The following CCSER1 variants were observed in gnomAD, a reference collection of about 807,000 sequenced individuals.
The protein encoded by CCSER1 is serine-rich coiled-coil domain-containing protein 1.
In CCSER1, 41 loss-of-function variants were observed where a neutral mutation model predicts 82.0. That is an observed-to-expected ratio of 0.50 (90% CI 0.39 to 0.65). The LOEUF (loss-of-function observed/expected upper bound fraction) is 0.65, where lower values mean the gene tolerates loss of function less well. CCSER1 is among the 30% of genes least tolerant of loss of function. The pLI is 0.00. For missense variants in CCSER1, 1,119 were observed against 1,064.2 expected (o/e 1.05, Z -0.72); for synonymous variants, 414 against 383.9 (o/e 1.08, Z -0.92).
intron 9 of CCSER1, among the ~76,000 whole-genome samples, chr4:90,957,759 A>G (rs1581202620): frequency 1.3e-5 from 2 of 148,730 alleles, no homozygotes; most frequent in East Asian, 3.9e-4. Flanking sequence ...TAAGATTTGG[A>G]TTTTTAAACT....
At chr4:91,099,945 A>G (rs2148847647) in intron 10 of CCSER1, among the ~76,000 whole-genome samples, 1 of 152,310 alleles carries the variant, frequency 6.6e-6, no homozygotes, top group Admixed American at 6.5e-5. Context: ...ATGTTAGTAG[A>G]GATTCTTTAC....
intron 1 of CCSER1, among the ~76,000 whole-genome samples, chr4:90,219,293 G>A (rs1481088714): frequency 6.6e-6 from 1 of 152,110 alleles, no homozygotes; most frequent in African/African-American, 2.4e-5. Context: ...TATGTTTTGG[G>A]ACTTCATTGT....
intron 9 of CCSER1, among the ~76,000 whole-genome samples, chr4:90,994,535 C>A (rs1561454380): frequency 6.6e-6 from 1 of 151,800 alleles, no homozygotes; most frequent in Admixed American, 6.6e-5. Context: ...AAATTGGAGA[C>A]CATCTGTATA....
At chr4:91,353,265 A>G (rs893368781) in intron 10 of CCSER1, among the ~76,000 whole-genome samples, 1 of 151,704 alleles carries the variant, frequency 6.6e-6, no homozygotes, top group Non-Finnish European at 1.5e-5. Flanking sequence ...GGCTCACAAC[A>G]CTAAAGATTT....
intron 10 of CCSER1, among the ~76,000 whole-genome samples, chr4:91,246,500 G>C (rs1739787600): frequency 6.6e-6 from 1 of 152,104 alleles, no homozygotes; most frequent in Non-Finnish European, 1.5e-5. Context: ...AAACTAAAAA[G>C]TGAGCTACCA....
chr4:91,316,473 T>C (rs1745843559), intron 10 of CCSER1, among the ~76,000 whole-genome samples: 1 of 152,032 alleles, frequency 6.6e-6, no homozygotes, highest in African/African-American at 2.4e-5. Context: ...AAAATTTCTC[T>C]GATAGAATTC....
chr4:91,103,750 G>A (rs936007873), intron 10 of CCSER1, among the ~76,000 whole-genome samples: 3 of 152,152 alleles, frequency 2.0e-5, no homozygotes, highest in South Asian at 2.1e-4. Flanking sequence ...ATTGTAAAAC[G>A]TGTGTTTGAA....
intron 5 of CCSER1, among the ~76,000 whole-genome samples, chr4:90,624,614 G>T (rs568479004): frequency 6.6e-6 from 1 of 152,106 alleles, no homozygotes; most frequent in African/African-American, 2.4e-5. Context: ...GTTCACCATC[G>T]TAGTTTAACT....
chr4:91,005,683 C>T (rs1738442783), intron 9 of CCSER1, among the ~76,000 whole-genome samples: 1 of 152,084 alleles, frequency 6.6e-6, no homozygotes, highest in Non-Finnish European at 1.5e-5. Context: ...ATAGCCATTG[C>T]TTGGATGAAG....
chr4:90,813,002 T>C (rs529517189), intron 7 of CCSER1, among the ~76,000 whole-genome samples: 1 of 152,242 alleles, frequency 6.6e-6, no homozygotes, highest in South Asian at 2.1e-4. Flanking sequence ...CCCTCCCAAA[T>C]CTCACATTCT....
Position 90,288,911 on chromosome 4 carries a change from A to G in CCSER1, c.-41-19333A>G, listed in dbSNP as rs545050275. ...GTTTCTAAAAACCTCTAGTGTATCA[A>G]CCAAGGGATAAATTACTCAGGGAGT... is the stretch of plus-strand genomic sequence containing the variant. On this transcript the variant is annotated intron_variant, in intron 1 of 10. Coordinates refer to ENST00000509176, the MANE Select transcript of CCSER1 (RefSeq NM_001145065.2). 5.9e-4 allele frequency among the ~76,000 whole-genome samples: 89 copies of G among 152,062 alleles called. No individual in the cohort carries two copies. In the Middle Eastern group the frequency reaches 0.01, roughly 17 times the overall value.
chr4:91,219,666 GA>G (rs1737581697), intron 10 of CCSER1, among the ~76,000 whole-genome samples: 1 of 152,132 alleles, frequency 6.6e-6, no homozygotes, highest in Non-Finnish European at 1.5e-5. Flanking sequence ...GTTAGGAAGA[GA>G]TTCACAAGAA....
intron 1 of CCSER1, among the ~76,000 whole-genome samples, chr4:90,271,278 T>C (rs1237608160): frequency 6.6e-6 from 1 of 152,078 alleles, no homozygotes; most frequent in Non-Finnish European, 1.5e-5. Context: ...ATGGCACTGG[T>C]GCAAAAATCA....
intron 7 of CCSER1, among the ~76,000 whole-genome samples, chr4:90,783,778 A>C (rs1437340627): frequency 1.3e-5 from 2 of 152,164 alleles, no homozygotes; most frequent in African/African-American, 4.8e-5. Flanking sequence ...GTGATGGTTA[A>C]TTTTATAATA....
intron 5 of CCSER1, among the ~76,000 whole-genome samples, chr4:90,538,027 G>A (rs2153634342): frequency 6.6e-6 from 1 of 152,110 alleles, no homozygotes; most frequent in African/African-American, 2.4e-5. Context: ...CTCTTTAAAA[G>A]GGATGGGACC....
intron 8 of CCSER1, among the ~76,000 whole-genome samples, chr4:90,837,103 G>A (rs867594888): frequency 6.6e-6 from 1 of 152,126 alleles, no homozygotes; most frequent in African/African-American, 2.4e-5. Context: ...AGCATATGAA[G>A]CCAAAAATAA....
intron 1 of CCSER1, among the ~76,000 whole-genome samples, chr4:90,216,374 C>G (rs1578541974): frequency 6.6e-6 from 1 of 152,158 alleles, no homozygotes; most frequent in African/African-American, 2.4e-5. Context: ...CTCCCTACAG[C>G]TGGAGTTCAT....
At chr4:91,082,471 A>T (rs1336460997) in intron 9 of CCSER1, among the ~76,000 whole-genome samples, 2 of 152,232 alleles carry the variant, frequency 1.3e-5, no homozygotes, top group African/African-American at 4.8e-5. Flanking sequence ...AAGAAAACCT[A>T]GGCAATACCA....
At chr4:90,987,761 T>C (rs1189579065) in intron 9 of CCSER1, among the ~76,000 whole-genome samples, 1 of 151,764 alleles carries the variant, frequency 6.6e-6, no homozygotes, top group Non-Finnish European at 1.5e-5. Flanking sequence ...CATAGATCTC[T>C]GAGGATGCAA....
Sources: gnomAD v4.1 joint callset for allele counts (sites outside exome capture counted in the v4.1 genomes callset) on GRCh38, gnomAD v4.1.1 for gene constraint, MANE v1.5 for transcripts, NCBI Gene and HGNC (gene_info 2026-07-23, HGNC 2026-07-21) for gene names.